The following KIAA0825 variants were observed in gnomAD, a reference collection of about 807,000 sequenced individuals.
KIAA0825 encodes uncharacterized protein KIAA0825.
Under a neutral mutation model 147.6 loss-of-function variants are expected in KIAA0825, and 119 were observed. The observed-to-expected ratio is 0.81, with a 90% confidence interval of 0.69 to 0.94. KIAA0825 has a LOEUF of 0.94. Among genes scored for constraint, KIAA0825 ranks in the 40% least tolerant of loss-of-function variants. The pLI, the probability that KIAA0825 is intolerant of heterozygous loss-of-function variation, is 0.00. For missense variants in KIAA0825, 1,381 were observed against 1,472.7 expected, an observed-to-expected ratio of 0.94 and a Z score of 1.02; for synonymous variants, 470 against 518.1, an observed-to-expected ratio of 0.91 and a Z score of 1.26.
At chr5:94,222,157 G>C (rs1773720052) in intron 20 of KIAA0825, among the ~76,000 whole-genome samples, 1 of 152,126 alleles carries the variant, frequency 6.6e-6, no homozygotes, top group Non-Finnish European at 1.5e-5. Context: ...TGAAATCCTA[G>C]TCCAACTTGC....
intron 20 of KIAA0825, among the ~76,000 whole-genome samples, chr5:94,231,947 C>A (rs1011397221): frequency 2.0e-5 from 3 of 152,070 alleles, no homozygotes; most frequent in African/African-American, 7.2e-5. Context: ...GGAAGCCTAT[C>A]GTATCTGTAC....
intron 16 of KIAA0825, among the ~76,000 whole-genome samples, chr5:94,397,062 G>T (rs529046640): frequency 6.6e-6 from 1 of 151,836 alleles, no homozygotes; most frequent in Non-Finnish European, 1.5e-5. Flanking sequence ...CTCTTTTGGG[G>T]ATCCCCATTT....
chr5:94,499,459 G>A (rs1230891257), intron 5 of KIAA0825, among the ~76,000 whole-genome samples: 1 of 151,908 alleles, frequency 6.6e-6, no homozygotes, highest in Non-Finnish European at 1.5e-5. Context: ...ATTTCATCTT[G>A]ATCATCCTGG....
chr5:94,219,388 G>T (rs2150060437), intron 20 of KIAA0825, among the ~76,000 whole-genome samples: 1 of 152,236 alleles, frequency 6.6e-6, no homozygotes, highest in Non-Finnish European at 1.5e-5. Flanking sequence ...CTGCTGTGTG[G>T]CCTGGTCCCC....
At chr5:94,257,050 G>A (rs1776284318) in intron 20 of KIAA0825, among the ~76,000 whole-genome samples, 1 of 152,008 alleles carries the variant, frequency 6.6e-6, no homozygotes, top group Non-Finnish European at 1.5e-5. Context: ...AAGAAAAAAA[G>A]GGACACATGT....
chr5:94,571,259 A>G (rs1779919698), intron 2 of KIAA0825, among the ~76,000 whole-genome samples: 2 of 152,238 alleles, frequency 1.3e-5, no homozygotes, highest in Admixed American at 1.3e-4. Context: ...AATATTCACA[A>G]TACTGTCAAG....
rs113618172 is a variant in KIAA0825, at chr5:94,540,288, G to C, written c.-1-3161C>G. On this transcript the variant is annotated intron_variant, in intron 2 of 20. Transcript: ENST00000682413. The stretch of plus-strand genomic sequence containing the variant: ...CTGTATTGTTTTGTCATGAACAGGT[G>C]TACCTTAGGATAGAACATGGGCTTA... 4.1e-3 allele frequency among the ~76,000 whole-genome samples: 627 copies of C among 152,294 alleles called. 1 individual carries two copies. Among genetic ancestry groups the C allele is most frequent in the African/African-American group, 0.014 (588 of 41,552 alleles).
intron 1 of KIAA0825, among the ~76,000 whole-genome samples, chr5:94,609,194 G>T (rs1788216439): frequency 6.6e-6 from 1 of 152,098 alleles, no homozygotes. Flanking sequence ...CATGTGTAAG[G>T]TTGGATTTTG....
intron 2 of KIAA0825, among the ~76,000 whole-genome samples, chr5:94,543,195 G>A (rs1024995423): frequency 2.0e-5 from 3 of 152,174 alleles, no homozygotes; most frequent in African/African-American, 7.2e-5. Context: ...TGTAATCCCA[G>A]CATTTTGCGA....
intron 20 of KIAA0825, among the ~76,000 whole-genome samples, chr5:94,210,823 A>G (rs1772642807): frequency 6.6e-6 from 1 of 152,198 alleles, no homozygotes; most frequent in South Asian, 2.1e-4. Flanking sequence ...GTGTGGATTT[A>G]GTTTCCTTGT....
rs1255793614 is a variant in KIAA0825, at chr5:94,464,895, G to A, written c.2037C>T (p.Pro679=). 1.3e-6 allele frequency: 2 copies of A among 1,551,072 alleles called. No homozygotes were observed. The highest frequency in any genetic ancestry group is 2.0e-5 in the Admixed American group (1 of 50,886). Residue 679 remains proline (P), a synonymous_variant, in exon 11 of 21, where the codon CCC becomes CCT. Transcript: ENST00000682413. ...LLASRYARAH[P]SRKRTPQLRL... ...TTAACTGTGGAGTTCTTTTACGGCTGGGGTGGGCCCGAGCGTATCTGGAGG... is the reference window on the plus strand; with the variant it reads ...TTAACTGTGGAGTTCTTTTACGGCTAGGGTGGGCCCGAGCGTATCTGGAGG...
chr5:94,576,084 T>C (rs1042293988), intron 2 of KIAA0825, among the ~76,000 whole-genome samples: 4 of 152,090 alleles, frequency 2.6e-5, no homozygotes, highest in African/African-American at 9.7e-5. Flanking sequence ...GAAGGTGATA[T>C]GTGAGAGAAA....
chr5:94,259,108 T>C (rs1776374380), intron 20 of KIAA0825, among the ~76,000 whole-genome samples: 1 of 152,042 alleles, frequency 6.6e-6, no homozygotes, highest in African/African-American at 2.4e-5. Context: ...AGTTAAGTGA[T>C]TTTTCATTTG....
chr5:94,303,249 A>T (rs1778515380), intron 20 of KIAA0825, among the ~76,000 whole-genome samples: 1 of 152,062 alleles, frequency 6.6e-6, no homozygotes, highest in Admixed American at 6.6e-5. Flanking sequence ...CTTTTTCAAC[A>T]ATATCTCAAA....
intron 14 of KIAA0825, among the ~76,000 whole-genome samples, chr5:94,423,394 G>T (rs374704617): frequency 6.6e-6 from 1 of 152,060 alleles, no homozygotes; most frequent in Non-Finnish European, 1.5e-5. Context: ...TCTTTTCGTT[G>T]CATGCATTAT....
chr5:94,466,502 G>A (rs1760520773), intron 10 of KIAA0825, among the ~76,000 whole-genome samples: 1 of 151,940 alleles, frequency 6.6e-6, no homozygotes, highest in African/African-American at 2.4e-5. Context: ...GGCGGATCAC[G>A]ACGTCAGGAG....
In KIAA0825 at chr5:94,417,198, T is replaced by C; in HGVS notation, c.2662+3A>G. ...TCTTTTACAAACAGTAAATGTCTCATACCTGGGATGTTATATAAAAAGTCC... is the reference window on the plus strand; with the variant it reads ...TCTTTTACAAACAGTAAATGTCTCACACCTGGGATGTTATATAAAAAGTCC... On this transcript the variant is annotated splice_donor_region_variant and intron_variant, in intron 15 of 20. Coordinates refer to ENST00000682413, the MANE Select transcript of KIAA0825 (RefSeq NM_001145678.3). The C allele has an allele frequency of 1.3e-6, 2 of 1,549,948 alleles. No individual in the cohort carries two copies. The highest frequency in any genetic ancestry group is 1.7e-6 in the Non-Finnish European group (2 of 1,145,770).
chr5:94,157,252 C>A (rs1767121965), intron 20 of KIAA0825, among the ~76,000 whole-genome samples: 1 of 152,112 alleles, frequency 6.6e-6, no homozygotes, highest in Non-Finnish European at 1.5e-5. Flanking sequence ...CCCCCACCTG[C>A]CTACTATTAT....
intron 16 of KIAA0825, among the ~76,000 whole-genome samples, chr5:94,399,902 G>T (rs1751163564): frequency 6.6e-6 from 1 of 152,002 alleles, no homozygotes. Context: ...TGGTAAAAAA[G>T]ATCAATAACA....
Sources: allele counts gnomAD v4.1 joint callset (sites outside exome capture counted in the v4.1 genomes callset), GRCh38; gene constraint gnomAD v4.1.1; transcripts MANE v1.5; gene names NCBI Gene and HGNC (gene_info 2026-07-23, HGNC 2026-07-21).